Variants in ATG5 observed in about 807,000 individuals in gnomAD.
ATG5 encodes the protein autophagy protein 5.
Under a neutral mutation model 36.5 loss-of-function variants are expected in ATG5, and 14 were observed. The observed-to-expected ratio is 0.38, with a 90% CI of 0.25 to 0.60. The LOEUF is 0.60. ATG5 is among the 20% of genes least tolerant of loss of function. The probability of loss-of-function intolerance (pLI) is 0.60; values close to 1 mark genes in which losing one functional copy is unlikely to be tolerated. For missense variants in ATG5, 195 were observed against 326.7 expected (o/e 0.60, Z 3.11); for synonymous variants, 95 against 101.5 (o/e 0.94, Z 0.38).
At chr6:106,222,342 T>TG (rs1294130171) in intron 6 of ATG5, among the ~76,000 whole-genome samples, 2 of 152,224 alleles carry the variant, frequency 1.3e-5, no homozygotes, top group African/African-American at 4.8e-5. Context: ...GCATGGGAAT[T>TG]GAAGTTATTT....
chr6:106,251,229 G>T (rs1281219450), intron 5 of ATG5, among the ~76,000 whole-genome samples: 1 of 152,218 alleles, frequency 6.6e-6, no homozygotes, highest in Non-Finnish European at 1.5e-5. Context: ...TGCATTCCAG[G>T]TTGCCCTGAC....
intron 3 of ATG5, among the ~76,000 whole-genome samples, chr6:106,306,055 A>AT (rs1333739164): frequency 3.3e-5 from 5 of 152,236 alleles, no homozygotes; most frequent in Admixed American, 3.3e-4. Flanking sequence ...TATAACACAT[A>AT]AAAAGTTAAC....
chr6:106,322,262 GACA>G (rs1771110767), intron 1 of ATG5, among the ~76,000 whole-genome samples: 1 of 152,080 alleles, frequency 6.6e-6, no homozygotes, highest in Admixed American at 6.6e-5. Flanking sequence ...GGCACGGTGT[GACA>G]ACAATATAAT....
intron 6 of ATG5, among the ~76,000 whole-genome samples, chr6:106,224,446 T>C (rs1162538048): frequency 6.6e-6 from 1 of 152,176 alleles, no homozygotes; most frequent in East Asian, 1.9e-4. Flanking sequence ...TCCAAAGTAT[T>C]GACCTGGTAA....
intron 5 of ATG5, among the ~76,000 whole-genome samples, chr6:106,251,674 G>A (rs1582611900): frequency 5.6e-5 from 5 of 88,690 alleles, no homozygotes; most frequent in South Asian, 4.2e-4. Flanking sequence ...GGAGGGGGAG[G>A]GGGAGAGAAA....
chr6:106,268,377 A>T (rs1779307915), intron 5 of ATG5, among the ~76,000 whole-genome samples: 1 of 152,224 alleles, frequency 6.6e-6, no homozygotes. Flanking sequence ...GTCAGGAAAC[A>T]ACAGATGCTG....
intron 7 of ATG5, among the ~76,000 whole-genome samples, chr6:106,191,129 G>T (rs185166547): frequency 8.5e-5 from 13 of 152,288 alleles, no homozygotes; most frequent in African/African-American, 3.1e-4. Context: ...GAAATTAAAA[G>T]AATATATACA....
intron 7 of ATG5, among the ~76,000 whole-genome samples, chr6:106,200,567 T>C (rs1268410569): frequency 6.6e-6 from 1 of 151,936 alleles, no homozygotes; most frequent in Non-Finnish European, 1.5e-5. Context: ...CTCCGCCTTG[T>C]GGGTTCACGT....
At chr6:106,232,690 T>G (rs1026080045) in intron 6 of ATG5, among the ~76,000 whole-genome samples, 1 of 152,088 alleles carries the variant, frequency 6.6e-6, no homozygotes, top group Non-Finnish European at 1.5e-5. Flanking sequence ...ATAATCCAAC[T>G]TTAGGAGTAC....
intron 3 of ATG5, among the ~76,000 whole-genome samples, chr6:106,300,523 G>A (rs981338828): frequency 6.6e-6 from 1 of 152,098 alleles, no homozygotes; most frequent in Non-Finnish European, 1.5e-5. Flanking sequence ...ACATGGATAT[G>A]TTCCGAGAAA....
intron 2 of ATG5, among the ~76,000 whole-genome samples, chr6:106,309,578 A>T (rs1328476289): frequency 6.6e-6 from 1 of 152,178 alleles, no homozygotes; most frequent in Non-Finnish European, 1.5e-5. Flanking sequence ...GTGAAGAAAG[A>T]AAAAGGAATT....
chr6:106,249,167 G>C (rs1481170182), intron 5 of ATG5, among the ~76,000 whole-genome samples: 1 of 151,988 alleles, frequency 6.6e-6, no homozygotes, highest in African/African-American at 2.4e-5. Flanking sequence ...CCCTTTTAAA[G>C]TATACAACTT....
chr6:106,289,491 G>C (rs1322086452), intron 4 of ATG5, among the ~76,000 whole-genome samples: 1 of 151,936 alleles, frequency 6.6e-6, no homozygotes, highest in Non-Finnish European at 1.5e-5. Flanking sequence ...CTGATAGCTT[G>C]AACAAACTCT....
intron 7 of ATG5, among the ~76,000 whole-genome samples, chr6:106,196,625 G>A (rs1476397766): frequency 3.9e-5 from 6 of 151,914 alleles, no homozygotes; most frequent in South Asian, 2.1e-4. Flanking sequence ...TTGCGTGACC[G>A]AAGCACAAGA....
rs148420103 is a variant in ATG5 at position 106,188,465 on chromosome 6, A to G, written c.692-1789T>C. ...CAGTCACCTTTGTATACTATGAAAC[A>G]GCAGAAGAAACAAGTCACAACTCAA... is the stretch of plus-strand genomic sequence containing the variant. On this transcript the variant is annotated intron_variant, in intron 7 of 7. Coordinates refer to ENST00000369076, the MANE Select transcript of ATG5 (RefSeq NM_004849.4). Among the ~76,000 whole-genome samples the G allele has an allele frequency of 1.7e-3, 252 of 152,362 alleles. 1 individual carries two copies. The highest frequency in any genetic ancestry group is 5.6e-3 in the African/African-American group (231 of 41,590).
intron 5 of ATG5, among the ~76,000 whole-genome samples, chr6:106,272,191 T>G (rs953152108): frequency 6.6e-6 from 1 of 152,224 alleles, no homozygotes. Flanking sequence ...AGACTCCCAC[T>G]TGGTCCTTTT....
At chr6:106,266,557 A>C (rs1365011569) in intron 5 of ATG5, among the ~76,000 whole-genome samples, 1 of 152,188 alleles carries the variant, frequency 6.6e-6, no homozygotes, top group Admixed American at 6.5e-5. Context: ...AAAAAAGAAA[A>C]TTTCAGGCCA....
intron 6 of ATG5, among the ~76,000 whole-genome samples, chr6:106,205,095 T>C (rs1465109284): frequency 1.3e-5 from 2 of 152,192 alleles, no homozygotes; most frequent in Non-Finnish European, 2.9e-5. Context: ...GGAAGTAATG[T>C]TGGTGAAAGG....
chr6:106,262,831 C>T (rs1381677957), intron 5 of ATG5, among the ~76,000 whole-genome samples: 1 of 152,240 alleles, frequency 6.6e-6, no homozygotes, highest in East Asian at 1.9e-4. Context: ...ACACTTTTCC[C>T]ATGGTTTCTG....
Sources: gnomAD v4.1 joint callset for allele counts (sites outside exome capture counted in the v4.1 genomes callset) on GRCh38, gnomAD v4.1.1 for gene constraint, MANE v1.5 for transcripts, NCBI Gene and HGNC (gene_info 2026-07-23, HGNC 2026-07-21) for gene names.